The following TSNARE1 variants were observed in gnomAD, a reference collection of about 807,000 sequenced individuals.
TSNARE1 encodes the protein t-SNARE domain-containing protein 1.
TSNARE1 carries 49 observed loss-of-function variants against 62.0 expected under a neutral mutation model. That is an observed-to-expected ratio of 0.79 (90% CI 0.63 to 1.00). The LOEUF (loss-of-function observed/expected upper bound fraction) is 1.00. Ranked by LOEUF, TSNARE1 falls within the 50% of genes least tolerant of loss-of-function variation. The probability of loss-of-function intolerance (pLI) is 0.00; values close to 1 mark genes in which losing one functional copy is unlikely to be tolerated. For synonymous variants in TSNARE1, 328 were observed against 294.4 expected (o/e 1.11, Z -1.17); for missense variants, 755 against 700.1 (o/e 1.08, Z -0.88).
chr8:142,367,748 T>C (rs930807468), intron 1 of TSNARE1, among the ~76,000 whole-genome samples: 1 of 152,140 alleles, frequency 6.6e-6, no homozygotes, highest in Non-Finnish European at 1.5e-5. Context: ...CATGAAAATA[T>C]AAATAGACCA....
At chr8:142,296,454 G>A (rs1301588825) in intron 10 of TSNARE1, among the ~76,000 whole-genome samples, 8 of 149,034 alleles carry the variant, frequency 5.4e-5, no homozygotes, top group African/African-American at 2.0e-4. Flanking sequence ...ACTGTCATGG[G>A]GGAGAGGTGG....
intron 1 of TSNARE1, among the ~76,000 whole-genome samples, chr8:142,379,266 C>A (rs1223532203): frequency 6.6e-6 from 1 of 152,218 alleles, no homozygotes; most frequent in Non-Finnish European, 1.5e-5. Context: ...AGGCACCACA[C>A]CTCTGAGTAA....
rs1392483532 is a variant in TSNARE1 at position 142,223,135 on chromosome 8, C to CACTCAAGT, written c.*11+6337_*11+6338insACTTGAGT. On this transcript the variant is annotated intron_variant, in intron 13 of 13. Coordinates refer to ENST00000524325, the MANE Select transcript of TSNARE1 (RefSeq NM_145003.5). ...TCGTTCACTCATTCACTCATTCACT[C>CACTCAAGT]ATTCACTCATCCACTCACTCATTCA... Among the ~76,000 whole-genome samples the CACTCAAGT allele has an allele frequency of 3.0e-4, 44 of 147,812 alleles. 1 individual carries two copies. The highest frequency in any genetic ancestry group is 9.9e-4 in the African/African-American group (39 of 39,590).
intron 12 of TSNARE1, among the ~76,000 whole-genome samples, chr8:142,237,254 C>G (rs368484114): frequency 3.5e-4 from 54 of 152,352 alleles, no homozygotes; most frequent in African/African-American, 1.3e-3. Context: ...CTGAGGCTTC[C>G]TCTGCCTGCT....
Position 142,275,063 on chromosome 8 carries a change from G to A in TSNARE1, c.1364-200C>T, listed in dbSNP as rs760452627. The A allele has an allele frequency of 4.2e-5, 41 of 985,292 alleles. No individual in the cohort carries two copies. In the Admixed American group the frequency reaches 8.0e-4, roughly 19 times the overall value. 61.0% of individuals were successfully genotyped at this position (985,292 alleles called of 1,614,324 possible). A position where few individuals can be genotyped will look rare whatever the true frequency, so the allele number is the denominator to read the frequency against. ...CAGTGGGCAGCAATGACATTAGAAC[G>A]GAGGCCTGGAGGTGGCCCAGGGAAG... On this transcript the variant is annotated intron_variant, in intron 11 of 13. Transcript: ENST00000524325.
At chr8:142,326,027 T>C (rs1488701386) in intron 6 of TSNARE1, 38 of 96,776 alleles carry the variant, frequency 3.9e-4, no homozygotes, top group South Asian at 9.6e-4. Context: ...GGGAGGGCCC[T>C]GGAGAGCATG....
At chr8:142,234,781 G>C (rs1586808565) in intron 12 of TSNARE1, among the ~76,000 whole-genome samples, 1 of 152,182 alleles carries the variant, frequency 6.6e-6, no homozygotes, top group East Asian at 1.9e-4. Context: ...GACATGGAGA[G>C]GGGGAGACGC....
At chr8:142,232,691 C>T (rs1817182564) in intron 12 of TSNARE1, among the ~76,000 whole-genome samples, 1 of 152,248 alleles carries the variant, frequency 6.6e-6, no homozygotes, top group Non-Finnish European at 1.5e-5. Flanking sequence ...CTACCCATCA[C>T]CAAGCCACCG....
intron 12 of TSNARE1, among the ~76,000 whole-genome samples, chr8:142,268,022 C>T (rs563521867): frequency 6.6e-6 from 1 of 152,352 alleles, no homozygotes; most frequent in South Asian, 2.1e-4. Context: ...CCCTGGCCCA[C>T]ATCCAAGAGA....
intron 1 of TSNARE1, among the ~76,000 whole-genome samples, chr8:142,386,379 T>C (rs1837113326): frequency 6.6e-6 from 1 of 152,250 alleles, no homozygotes; most frequent in East Asian, 1.9e-4. Context: ...GACAAAAGTA[T>C]AGACTCTCTT....
chr8:142,342,238 C>T (rs188771575), intron 4 of TSNARE1, among the ~76,000 whole-genome samples: 3 of 152,260 alleles, frequency 2.0e-5, no homozygotes. Flanking sequence ...GACTCGGGGC[C>T]GGGACTGCCA....
At chr8:142,302,066 C>T (rs1471715403) in intron 9 of TSNARE1, among the ~76,000 whole-genome samples, 1 of 152,154 alleles carries the variant, frequency 6.6e-6, no homozygotes, top group Non-Finnish European at 1.5e-5. Context: ...CCTGGGGCAC[C>T]GTAATGACCC....
intron 13 of TSNARE1, among the ~76,000 whole-genome samples, chr8:142,222,539 CTCAT>C (rs1816389644): frequency 6.8e-5 from 3 of 44,132 alleles, no homozygotes; most frequent in African/African-American, 1.0e-4. Context: ...CACTCACTCA[CTCAT>C]TCACTCACTC....
chr8:142,401,329 G>GAC (rs1838274959), intron 1 of TSNARE1, among the ~76,000 whole-genome samples: 1 of 152,158 alleles, frequency 6.6e-6, no homozygotes, highest in South Asian at 2.1e-4. Flanking sequence ...ACACAGGAGA[G>GAC]ACAAACACGG....
At chr8:142,400,540 A>T (rs900825834) in intron 1 of TSNARE1, among the ~76,000 whole-genome samples, 1 of 148,918 alleles carries the variant, frequency 6.7e-6, no homozygotes, top group Admixed American at 6.7e-5. Context: ...AGAAATCAAG[A>T]CCATCCTGGC....
At chr8:142,237,778 G>A (rs1011725066) in intron 12 of TSNARE1, among the ~76,000 whole-genome samples, 2 of 152,190 alleles carry the variant, frequency 1.3e-5, no homozygotes, top group African/African-American at 4.8e-5. Context: ...GAGGGCCCAT[G>A]AGCTGGATCT....
chr8:142,379,031 C>G (rs1836537316), intron 1 of TSNARE1, among the ~76,000 whole-genome samples: 1 of 152,222 alleles, frequency 6.6e-6, no homozygotes, highest in Non-Finnish European at 1.5e-5. Flanking sequence ...TCATGCCAGC[C>G]TTGGGAGGAC....
At chr8:142,317,522 C>T (rs1828775702) in intron 7 of TSNARE1, among the ~76,000 whole-genome samples, 1 of 152,256 alleles carries the variant, frequency 6.6e-6, no homozygotes, top group Non-Finnish European at 1.5e-5. Context: ...GGGTTCGGGC[C>T]AGCAGGCTGC....
chr8:142,256,362 CACCA>C (rs879464659), intron 12 of TSNARE1, among the ~76,000 whole-genome samples: 1,985 of 145,840 alleles, frequency 0.014, 48 homozygotes, highest in African/African-American at 0.017. Context: ...TCATTATCAC[CACCA>C]TCATCACCAC....
Sources: gnomAD v4.1 joint callset for allele counts (sites outside exome capture counted in the v4.1 genomes callset) on GRCh38, gnomAD v4.1.1 for gene constraint, MANE v1.5 for transcripts, NCBI Gene and HGNC (gene_info 2026-07-23, HGNC 2026-07-21) for gene names.